The following PPP3R1 variants were observed in gnomAD, a reference collection of about 807,000 sequenced individuals.
The protein encoded by PPP3R1 is protein phosphatase 3 regulatory subunit B, alpha.
Under a neutral mutation model 22.6 loss-of-function variants are expected in PPP3R1, and 5 were observed. That is an observed-to-expected ratio of 0.22 (90% confidence interval 0.12 to 0.46). The LOEUF (loss-of-function observed/expected upper bound fraction) is 0.46, where lower values mean the gene tolerates loss of function less well. Ranked by LOEUF, PPP3R1 falls within the 20% of genes least tolerant of loss-of-function variation. PPP3R1 has a pLI of 0.99. For missense variants in PPP3R1, 61 were observed against 203.2 expected, an observed-to-expected ratio of 0.30 and a Z score of 4.25; for synonymous variants, 56 against 65.2, an observed-to-expected ratio of 0.86 and a Z score of 0.68.
At chr2:68,246,481 T>G (rs1670239019) in intron 1 of PPP3R1, among the ~76,000 whole-genome samples, 1 of 152,148 alleles carries the variant, frequency 6.6e-6, no homozygotes, top group African/African-American at 2.4e-5. Context: ...ATTCAATGTC[T>G]CACTACCTCC....
At chr2:68,232,124 T>C (rs60534642) in intron 1 of PPP3R1, among the ~76,000 whole-genome samples, 8,601 of 97,460 alleles carry the variant, frequency 0.088, 806 homozygotes, top group Middle Eastern at 0.22. Flanking sequence ...TATATATATA[T>C]ACACACACAC....
Position 68,252,287 on chromosome 2 carries a change from G to C in PPP3R1, c.-160C>G, listed in dbSNP as rs1312631743. The C allele has an allele frequency of 1.9e-6, 2 of 1,032,552 alleles. No homozygotes were observed. The highest frequency in any genetic ancestry group is 3.5e-5 in the African/African-American group (2 of 57,918). 64.0% of individuals were successfully genotyped at this position (1,032,552 alleles called of 1,614,324 possible). A position where few individuals can be genotyped will look rare whatever the true frequency, so the allele number is the denominator to read the frequency against. On this transcript the variant is annotated 5_prime_UTR_variant, in exon 1 of 6. Transcript: ENST00000234310. ...GAGGGGAGGCGGCGCCGCGGGGCCC[G>C]CGCCGGCCGGGCGATTGGGCACGCG...
At chr2:68,198,432 T>C (rs1674877158) in intron 2 of PPP3R1, among the ~76,000 whole-genome samples, 1 of 145,488 alleles carries the variant, frequency 6.9e-6, no homozygotes, top group East Asian at 2.0e-4. Flanking sequence ...TACGTATATA[T>C]GCGTGTGTAT....
intron 2 of PPP3R1, among the ~76,000 whole-genome samples, chr2:68,200,529 A>G (rs960435573): frequency 2.0e-5 from 3 of 152,250 alleles, no homozygotes; most frequent in Non-Finnish European, 4.4e-5. Flanking sequence ...AAGCAGTCAC[A>G]AGAAACCTTG....
intron 2 of PPP3R1, among the ~76,000 whole-genome samples, 171 bp downstream of exon 2, chr2:68,216,921 T>C (rs1469815147): frequency 1.3e-5 from 2 of 152,026 alleles, no homozygotes; most frequent in Non-Finnish European, 2.9e-5. Context: ...GTAACATAAA[T>C]AGACTGTATG....
chr2:68,183,279 GCTA>G, intron 5 of PPP3R1, among the ~76,000 whole-genome samples: 1 of 152,306 alleles, frequency 6.6e-6, no homozygotes, highest in Middle Eastern at 3.4e-3. Flanking sequence ...TTCCCACACT[GCTA>G]CTAAGAAATC....
Position 68,240,247 on chromosome 2 carries a change from A to G in PPP3R1, c.3+11878T>C, listed in dbSNP as rs538253587. Among the ~76,000 whole-genome samples, 3 of 152,282 alleles carry G rather than the reference A, an allele frequency of 2.0e-5. No individual in the cohort carries two copies. The South Asian group carries it at 6.2e-4, about 32-fold the overall frequency. On this transcript the variant is annotated intron_variant, in intron 1 of 5. Transcript: ENST00000234310. ...AAATAAGACAAACGACCTGTAACCA[A>G]TTAAGCTCTGTACCTCACTTCTGTC...
At chr2:68,246,059 C>CTT (rs1257172600) in intron 1 of PPP3R1, among the ~76,000 whole-genome samples, 3 of 125,468 alleles carry the variant, frequency 2.4e-5, no homozygotes, top group Non-Finnish European at 3.4e-5. Flanking sequence ...CTGACTTTTT[C>CTT]TTTCTTTCTT....
chr2:68,227,916 C>G (rs1376317228), intron 1 of PPP3R1, among the ~76,000 whole-genome samples: 1 of 152,088 alleles, frequency 6.6e-6, no homozygotes, highest in Non-Finnish European at 1.5e-5. Flanking sequence ...CATCTGCAAA[C>G]GGGATCCGTT....
intron 1 of PPP3R1, among the ~76,000 whole-genome samples, chr2:68,224,995 A>G (rs767875427): frequency 9.9e-5 from 15 of 152,264 alleles, no homozygotes; most frequent in Non-Finnish European, 2.2e-4. Flanking sequence ...AGATATTACT[A>G]TACAGGCAAC....
chr2:68,181,649 GAC>G (rs1674405954), intron 5 of PPP3R1, among the ~76,000 whole-genome samples: 2 of 141,532 alleles, frequency 1.4e-5, no homozygotes, highest in South Asian at 4.5e-4. Context: ...TTAGTTCAAA[GAC>G]AGACATAAAC....
Position 68,195,679 on chromosome 2 carries a change from G to T in PPP3R1, c.44-6989C>A, listed in dbSNP as rs532035976. Among the ~76,000 whole-genome samples, 7 of 152,020 alleles carry T rather than the reference G, an allele frequency of 4.6e-5. No individual in the cohort carries two copies. In the South Asian group the frequency reaches 1.5e-3, roughly 32 times the overall value. ...CCGTCTTTCTTTCTACATTAATTGG[G>T]ATGCTCCTGTAAAAAAAATACAAAA... On this transcript the variant is annotated intron_variant, in intron 2 of 5. Coordinates refer to ENST00000234310, the MANE Select transcript of PPP3R1 (RefSeq NM_000945.4).
At chr2:68,214,758 C>T (rs1481456430) in intron 2 of PPP3R1, among the ~76,000 whole-genome samples, 3 of 152,156 alleles carry the variant, frequency 2.0e-5, no homozygotes, top group African/African-American at 7.2e-5. Flanking sequence ...TACCATTTGA[C>T]CCAGCAATCC....
intron 1 of PPP3R1, among the ~76,000 whole-genome samples, chr2:68,221,181 A>G (rs779226894): frequency 6.6e-6 from 1 of 152,138 alleles, no homozygotes; most frequent in Non-Finnish European, 1.5e-5. Context: ...AAATACAAAA[A>G]TTAGCTGGGC....
intron 1 of PPP3R1, among the ~76,000 whole-genome samples, chr2:68,248,167 G>C (rs574249171): frequency 5.3e-5 from 8 of 152,122 alleles, no homozygotes; most frequent in South Asian, 2.1e-4. Flanking sequence ...CCATGACTTC[G>C]AACAGAAGCT....
At chr2:68,214,946 C>T (rs552541339) in intron 2 of PPP3R1, among the ~76,000 whole-genome samples, 1 of 152,216 alleles carries the variant, frequency 6.6e-6, no homozygotes, top group South Asian at 2.1e-4. Context: ...CCATGGTATA[C>T]TACGCAGCCA....
chr2:68,224,366 A>C (rs964978520), intron 1 of PPP3R1, among the ~76,000 whole-genome samples: 2 of 152,156 alleles, frequency 1.3e-5, no homozygotes, highest in Non-Finnish European at 2.9e-5. Flanking sequence ...ATCTGACTTA[A>C]AGAGTTATGA....
At chr2:68,236,729 G>T (rs1670026414) in intron 1 of PPP3R1, among the ~76,000 whole-genome samples, 1 of 152,068 alleles carries the variant, frequency 6.6e-6, no homozygotes, top group African/African-American at 2.4e-5. Context: ...CTATCATATG[G>T]CCTAGACTCT....
At chr2:68,200,762 A>G (rs966476516) in intron 2 of PPP3R1, among the ~76,000 whole-genome samples, 6 of 152,248 alleles carry the variant, frequency 3.9e-5, no homozygotes, top group African/African-American at 7.2e-5. Context: ...AGAAAAGAGA[A>G]TAAGAGTCTT....
Sources: allele counts gnomAD v4.1 joint callset (sites outside exome capture counted in the v4.1 genomes callset), GRCh38; gene constraint gnomAD v4.1.1; transcripts MANE v1.5; gene names NCBI Gene and HGNC (gene_info 2026-07-23, HGNC 2026-07-21).